RNF213: variants seen among roughly 807,000 people sequenced by gnomAD.
The protein encoded by RNF213 is E3 ubiquitin-protein ligase RNF213.
In RNF213, 341 loss-of-function variants were observed where a neutral mutation model predicts 514.4. That is an observed-to-expected ratio of 0.66 (90% CI 0.61 to 0.73). The LOEUF is 0.73. Ranked by LOEUF, RNF213 falls within the 30% of genes least tolerant of loss-of-function variation. The pLI, the probability that RNF213 is intolerant of heterozygous loss-of-function variation, is 0.00. For synonymous variants in RNF213, 2,655 were observed against 2,658.2 expected, an observed-to-expected ratio of 1.00 and a Z score of 0.04; for missense variants, 5,767 against 6,615.6, an observed-to-expected ratio of 0.87 and a Z score of 4.45.
rs540052248 is a variant in RNF213, at chr17:80,326,839, A to G, written c.3194-977A>G. On this transcript the variant is annotated intron_variant, in intron 18 of 67. Transcript: ENST00000582970. ...TCTTGGTTGCTTCCAAGTTTTTGCAATGATTAGTAAAGCTACTATGTTTGT... is the reference window on the plus strand; with the variant it reads ...TCTTGGTTGCTTCCAAGTTTTTGCAGTGATTAGTAAAGCTACTATGTTTGT... 3.2e-4 allele frequency among the ~76,000 whole-genome samples: 49 copies of G among 152,296 alleles called. No homozygotes were observed. The South Asian group carries it at 8.5e-3, about 26-fold the overall frequency.
At chr17:80,289,933 T>G in intron 6 of RNF213, 96 bp downstream of exon 6, 1 of 1,346,506 alleles carries the variant, frequency 7.4e-7, no homozygotes, top group Non-Finnish European at 1.0e-6. Flanking sequence ...CAGGCTGCCC[T>G]TCTAGTCAGC....
Position 80,344,784 on chromosome 17 carries a change from C to T in RNF213, c.6449C>T (p.Thr2150Ile), listed in dbSNP as rs766365095. Reference protein sequence around the residue: ...DMELSALRSDTEPGMDLWEFC... With the variant: ...DMELSALRSDIEPGMDLWEFC... ...GAGCTGAGTGCCCTGAGGAGTGACA[C>T]AGAGCCTGGGATGGATCTGTGGGAG... Residue 2150 changes from threonine (T) to isoleucine (I), a missense_variant, in exon 29 of 68, where the codon ACA becomes ATA. This residue lies in a region of RNF213 where 1,377 missense variants were observed against 1,635.2 expected (regional missense o/e 0.84). Coordinates refer to ENST00000582970, the MANE Select transcript of RNF213 (RefSeq NM_001256071.3). 1.9e-6 allele frequency: 3 copies of T among 1,614,190 alleles called. No individual in the cohort carries two copies. The South Asian group carries it at 3.3e-5, about 18-fold the overall frequency.
Position 80,358,564 on chromosome 17 carries a change from A to G in RNF213, c.11054+85A>G, listed in dbSNP as rs2078920613. 3 of 1,264,428 alleles carry G rather than the reference A, an allele frequency of 2.4e-6. No homozygotes were observed. The African/African-American group carries it at 4.4e-5, about 19-fold the overall frequency. 78.3% of individuals were successfully genotyped at this position (1,264,428 alleles called of 1,614,324 possible). ...ATATGCTCTCCCAAGTGCTGGGTGA[A>G]ACGCAGCCCTCAACTTCAGAGCAAC... On this transcript the variant is annotated intron_variant, in intron 37 of 67. Transcript: ENST00000582970.
At position 80,376,524 on chromosome 17, in the gene RNF213, T is replaced by A. The variant is rs770647267; in HGVS notation, c.13409T>A (p.Phe4470Tyr). The A allele has an allele frequency of 3.1e-6, 5 of 1,614,074 alleles. No individual in the cohort carries two copies. The East Asian group carries it at 8.9e-5, about 29-fold the overall frequency. Reference protein sequence around the residue: ...ELLEPLKNLAFSPATMAHAFL... With the variant: ...ELLEPLKNLAYSPATMAHAFL... ...TTGGAGCCCCTAAAGAATCTGGCCT[T>A]CTCCCCAGCCACCATGGCGGTAAGA... Residue 4470 changes from phenylalanine (F) to tyrosine (Y), a missense_variant, in exon 52 of 68, where the codon TTC becomes TAC. Physicochemically the swap from Phe to Tyr is conservative, Grantham distance 22. This residue lies in a region of RNF213 where 1,245 missense variants were observed against 1,339.0 expected (regional missense o/e 0.93). Coordinates refer to ENST00000582970, the MANE Select transcript of RNF213 (RefSeq NM_001256071.3).
rs1327986567 is a variant in RNF213 at position 80,263,609 on chromosome 17, A to G, written c.-73A>G. 4 of 1,145,280 alleles carry G rather than the reference A, an allele frequency of 3.5e-6. No individual in the cohort carries two copies. The highest frequency in any genetic ancestry group is 1.2e-5 in the South Asian group (1 of 81,644). 70.9% of individuals were successfully genotyped at this position (1,145,280 alleles called of 1,614,324 possible). On this transcript the variant is annotated 5_prime_UTR_variant, in exon 2 of 68. An upstream start codon of the reference 5' UTR is lost. Transcript: ENST00000582970. This position sits in a 1 kb window ranked among gnomAD's most constrained non-coding sequence, Gnocchi z 4.9. ...TGAAGCCGTGGTCACGTGACAGGAC[A>G]TGTAGTATATAGCAGGCTGCCAGCG...
chr17:80,393,322 T>C (rs766261004), intron 67 of RNF213, 23 bp from the exon 68 acceptor site: 4 of 1,612,176 alleles, frequency 2.5e-6, no homozygotes, highest in Non-Finnish European at 3.4e-6. Context: ...CTGTTTTAAA[T>C]GCTCTCTTCT....
intron 12 of RNF213, among the ~76,000 whole-genome samples, chr17:80,306,875 G>A (rs1598971073): frequency 2.0e-5 from 3 of 151,416 alleles, no homozygotes; most frequent in South Asian, 2.1e-4. Context: ...AAAAGAAGGC[G>A]TCTCATGTGA....
rs974282451 is a variant in RNF213, at chr17:80,340,386, C to G, written c.5989+30C>G. 10 of 1,574,490 alleles carry G rather than the reference C, an allele frequency of 6.4e-6. No individual in the cohort carries two copies. The African/African-American group carries it at 9.4e-5, about 15-fold the overall frequency. On this transcript the variant is annotated intron_variant, in intron 26 of 67. Transcript: ENST00000582970. ...GGAGAGCGGCAGGGTGGGCAGGCCC[C>G]GTCTCCCAGGGACTGCCCGGGGCCC...
At chr17:80,320,375 A>C (rs6565667) in intron 17 of RNF213, 105,266 of 152,048 alleles carry the variant, frequency 0.69, 36,817 homozygotes, top group Middle Eastern at 0.73. Context: ...TTTTTGAGAC[A>C]GAGTTTCACT....
chr17:80,319,782 CCT>C (rs1266711576), intron 17 of RNF213: 103 of 1,253,310 alleles, frequency 8.2e-5, no homozygotes, highest in East Asian at 1.8e-4. Context: ...ATTGTGCCCC[CCT>C]GTCTCCCAGG....
Position 80,381,733 on chromosome 17 carries a change from G to A in RNF213, c.13978+6G>A. ...GCACCAGCTCTCTAGCAGAAGTGAG[G>A]AAAGGGGCAAGGGCTGGGCGGGGAT... On this transcript the variant is annotated splice_donor_region_variant and intron_variant, in intron 57 of 67. Transcript: ENST00000582970. The A allele has an allele frequency of 6.2e-7, 1 of 1,612,286 alleles. No individual in the cohort carries two copies. Among genetic ancestry groups the A allele is most frequent in the South Asian group, 1.1e-5 (1 of 90,898 alleles).
chr17:80,301,028 T>C (rs1240849169), intron 11 of RNF213, among the ~76,000 whole-genome samples: 1 of 152,216 alleles, frequency 6.6e-6, no homozygotes, highest in African/African-American at 2.4e-5. Flanking sequence ...TCCTTATAGA[T>C]GCTGGATATT....
In RNF213 at chr17:80,389,453, G is replaced by A. The variant is rs553163626; in HGVS notation, c.15195+86G>A. The A allele has an allele frequency of 1.1e-4, 125 of 1,176,790 alleles. 3 individuals are homozygous for A. The South Asian group carries it at 1.5e-3, about 14-fold the overall frequency. 72.9% of individuals were successfully genotyped at this position (1,176,790 alleles called of 1,614,324 possible). On this transcript the variant is annotated intron_variant, in intron 65 of 67. Transcript: ENST00000582970. ...CGAGGGATAGGAGCATTCAGGGAGT[G>A]CCACTCTAGGCGCTCCTGAAAAGGA...
In RNF213 at chr17:80,340,125, C is replaced by T. The variant is rs1226620621; in HGVS notation, c.5758C>T (p.His1920Tyr). ...ELFHNLCTQQHREDYQLVMVC... is the reference protein window; with the variant it reads ...ELFHNLCTQQYREDYQLVMVC... Reference sequence around the variant, plus strand: ...TTTCCACAATCTGTGCACGCAGCAGCACCGAGAAGACTACCAGCTCGTCAT... The same window carrying T: ...TTTCCACAATCTGTGCACGCAGCAGTACCGAGAAGACTACCAGCTCGTCAT... Residue 1920 changes from histidine (H) to tyrosine (Y), a missense_variant, in exon 26 of 68, where the codon CAC (histidine) becomes TAC (tyrosine). Physicochemically the swap from His to Tyr is moderately conservative, Grantham distance 83. Around this residue, in one of 13 missense-constraint regions of RNF213, gnomAD observed 1,377 missense variants for 1,635.2 expected, o/e 0.84. Coordinates refer to ENST00000582970, the MANE Select transcript of RNF213 (RefSeq NM_001256071.3). 6.2e-7 allele frequency: 1 copy of T among 1,613,554 alleles called. No homozygotes were observed. The highest frequency in any genetic ancestry group is 2.2e-5 in the East Asian group (1 of 44,878).
At chr17:80,291,058 C>T (rs1331096567) in intron 7 of RNF213, among the ~76,000 whole-genome samples, 4 of 152,058 alleles carry the variant, frequency 2.6e-5, no homozygotes, top group Non-Finnish European at 5.9e-5. Flanking sequence ...GTGATCCGCC[C>T]GCCTAGGCCT....
Position 80,375,865 on chromosome 17 carries a change from C to G in RNF213, c.13180C>G (p.Pro4394Ala). The G allele has an allele frequency of 6.2e-7, 1 of 1,607,036 alleles. No homozygotes were observed. Among genetic ancestry groups the G allele is most frequent in the East Asian group, 2.2e-5 (1 of 44,858 alleles). The change falls in exon 51 of 68, where the codon CCA (proline) becomes GCA (alanine). Residue 4394 changes from proline (P) to alanine (A), a missense_variant. Pro to Ala is a conservative substitution (Grantham distance 27). Transcript: ENST00000582970. ...RSHNASLHPT[P>A]EQCEAVSKFI... ...CCACAATGCAAGCCTCCACCCCACG[C>G]CAGAGGTGAGTAACCGCCTGCAGGG...
At chr17:80,285,697 G>A (rs1038547867) in intron 3 of RNF213, among the ~76,000 whole-genome samples, 2 of 150,930 alleles carry the variant, frequency 1.3e-5, no homozygotes, top group African/African-American at 4.9e-5. Flanking sequence ...GTGAGATGGA[G>A]TCTTGCTCTA....
intron 64 of RNF213, 129 bp from the exon 65 acceptor site, chr17:80,389,044 G>C (rs545402429): frequency 4.7e-6 from 4 of 859,532 alleles, no homozygotes; most frequent in Non-Finnish European, 7.7e-6. Flanking sequence ...GTGCGCCCAA[G>C]TGTCAGCTGT....
chr17:80,277,374 G>A (rs914794438), intron 3 of RNF213, among the ~76,000 whole-genome samples: 1 of 151,946 alleles, frequency 6.6e-6, no homozygotes, highest in Non-Finnish European at 1.5e-5. Flanking sequence ...GAGGCGGGTG[G>A]ATCACTTGAG....
Sources: allele counts gnomAD v4.1 joint callset (sites outside exome capture counted in the v4.1 genomes callset), GRCh38; gene constraint gnomAD v4.1.1; regional missense constraint gnomAD v4.1.1; non-coding constraint Gnocchi (gnomAD v3.1); transcripts MANE v1.5; gene names NCBI Gene and HGNC (gene_info 2026-07-23, HGNC 2026-07-21).